The following WARS2 variants were observed in gnomAD, a reference collection of about 807,000 sequenced individuals.
WARS2 encodes the protein tryptophan--tRNA ligase, mitochondrial.
In WARS2, 28 loss-of-function variants were observed where a neutral mutation model predicts 36.5. The ratio of observed to expected loss-of-function variants is 0.77; its 90% CI spans 0.57 to 1.05. WARS2 has a LOEUF of 1.05. WARS2 is among the 50% of genes least tolerant of loss of function. The pLI is 0.00. For synonymous variants in WARS2, 174 were observed against 178.4 expected, an observed-to-expected ratio of 0.98 and a Z score of 0.20; for missense variants, 435 against 456.8, an observed-to-expected ratio of 0.95 and a Z score of 0.44.
At chr1:119,085,255 G>C in intron 1 of WARS2, 1 of 897,382 alleles carries the variant, frequency 1.1e-6, no homozygotes, top group South Asian at 1.3e-5. Flanking sequence ...TCCCTCTCTC[G>C]GTTCTCTGCC....
At chr1:119,097,568 G>A (rs1326632423) in intron 1 of WARS2, among the ~76,000 whole-genome samples, 2 of 152,118 alleles carry the variant, frequency 1.3e-5, no homozygotes, top group Non-Finnish European at 2.9e-5. Context: ...CACATTTGTG[G>A]AGCACTCTCC....
chr1:119,131,979 G>A (rs1161667586), intron 1 of WARS2, among the ~76,000 whole-genome samples: 2 of 152,004 alleles, frequency 1.3e-5, no homozygotes, highest in African/African-American at 2.4e-5. Flanking sequence ...AAAGGTTGTT[G>A]GATAGAATTA....
At chr1:119,128,691 T>C (rs926872637) in intron 1 of WARS2, among the ~76,000 whole-genome samples, 2 of 151,348 alleles carry the variant, frequency 1.3e-5, no homozygotes, top group African/African-American at 4.9e-5. Flanking sequence ...CCATCAGTGG[T>C]CATGGCTTTG....
intron 2 of WARS2, among the ~76,000 whole-genome samples, chr1:119,056,048 T>C (rs1649770669): frequency 6.7e-6 from 1 of 149,058 alleles, no homozygotes. Context: ...TCTCTCTCTG[T>C]TTCTCTGCTG....
At chr1:119,132,785 C>A (rs1200775196) in intron 1 of WARS2, among the ~76,000 whole-genome samples, 2 of 151,972 alleles carry the variant, frequency 1.3e-5, no homozygotes, top group African/African-American at 2.4e-5. Context: ...AATTTTAAAG[C>A]CTCATCACCA....
intron 1 of WARS2, among the ~76,000 whole-genome samples, chr1:119,136,839 C>T (rs967864558): frequency 6.6e-6 from 1 of 152,204 alleles, no homozygotes; most frequent in Non-Finnish European, 1.5e-5. Flanking sequence ...TATTTCTTCA[C>T]GTTTGAAATA....
chr1:119,136,527 T>A (rs1656522190), intron 1 of WARS2, among the ~76,000 whole-genome samples: 1 of 152,180 alleles, frequency 6.6e-6, no homozygotes, highest in Non-Finnish European at 1.5e-5. Context: ...TTTTTTGCCA[T>A]GAGAGATGAA....
intron 1 of WARS2, among the ~76,000 whole-genome samples, chr1:119,135,719 T>TAGATAGAC: frequency 1.4e-5 from 1 of 71,190 alleles, no homozygotes; most frequent in African/African-American, 4.7e-5. Context: ...GATAGACAGA[T>TAGATAGAC]AGATAGATAG....
chr1:119,052,480 A>AT (rs1649445979), intron 2 of WARS2, among the ~76,000 whole-genome samples: 1 of 152,238 alleles, frequency 6.6e-6, no homozygotes, highest in African/African-American at 2.4e-5. Flanking sequence ...CTCTGTATCA[A>AT]TATAAGCTCA....
At chr1:119,056,329 G>T (rs1571287625) in intron 2 of WARS2, among the ~76,000 whole-genome samples, 2 of 150,024 alleles carry the variant, frequency 1.3e-5, no homozygotes, top group South Asian at 4.2e-4. Context: ...GAGCCATCAC[G>T]CCTGGCCCAT....
intron 1 of WARS2, among the ~76,000 whole-genome samples, chr1:119,084,423 GTTAACTTT>G (rs1652460615): frequency 6.6e-6 from 1 of 152,088 alleles, no homozygotes; most frequent in African/African-American, 2.4e-5. Flanking sequence ...CTTTAAAATG[GTTAACTTT>G]ATGTTATGTG....
At position 119,032,445 on chromosome 1, in the gene WARS2, T is replaced by C. The variant is rs1263163355; in HGVS notation, c.*466A>G. 6.5e-6 allele frequency: 1 copy of C among 154,616 alleles called. No homozygotes were observed. Among genetic ancestry groups the C allele is most frequent in the East Asian group, 1.9e-4 (1 of 5,226 alleles). 9.6% of individuals were successfully genotyped at this position (154,616 alleles called of 1,614,324 possible). ...CAAACTATAAGAATGGACTTGTTTT[T>C]ATGAGCTCTGAATACAAATTGGCAT... On this transcript the variant is annotated 3_prime_UTR_variant, in exon 6 of 6. Transcript: ENST00000235521.
intron 4 of WARS2, among the ~76,000 whole-genome samples, chr1:119,035,212 C>A (rs181182793): frequency 6.6e-6 from 1 of 152,014 alleles, no homozygotes; most frequent in East Asian, 1.9e-4. Flanking sequence ...TATACTGAAG[C>A]AATATGGCGG....
In WARS2 at chr1:119,107,300, A is replaced by G. The variant is rs1037860084; in HGVS notation, c.91-30693T>C. On this transcript the variant is annotated intron_variant, in intron 1 of 5. Transcript: ENST00000235521. The stretch of plus-strand genomic sequence containing the variant: ...ATTGTGTTTTGCAGAGCAGAAGTTT[A>G]TAATTGTAATGAAGTGCAGCTTAGC... Among the ~76,000 whole-genome samples, 12 of 152,244 alleles carry G rather than the reference A, an allele frequency of 7.9e-5. No homozygotes were observed. In the South Asian group the frequency reaches 2.5e-3, roughly 32 times the overall value.
chr1:119,138,936 T>C (rs1656725057), intron 1 of WARS2, among the ~76,000 whole-genome samples: 1 of 152,212 alleles, frequency 6.6e-6, no homozygotes, highest in Non-Finnish European at 1.5e-5. Flanking sequence ...TTAGCATTTA[T>C]AATGACTTAG....
intron 1 of WARS2, among the ~76,000 whole-genome samples, chr1:119,078,510 T>C (rs587758286): frequency 2.0e-5 from 3 of 152,288 alleles, no homozygotes; most frequent in African/African-American, 7.2e-5. Context: ...TTAGCAGTCT[T>C]TTTATTTTTA....
chr1:119,082,563 G>T, intron 1 of WARS2: 1 of 490,772 alleles, frequency 2.0e-6, no homozygotes, highest in Non-Finnish European at 2.6e-6. Flanking sequence ...CTTGCCACTG[G>T]ACTCCAAATT....
intron 1 of WARS2, among the ~76,000 whole-genome samples, chr1:119,118,389 A>G (rs995468645): frequency 6.6e-6 from 1 of 152,092 alleles, no homozygotes; most frequent in Non-Finnish European, 1.5e-5. Flanking sequence ...CAAAGAAAAA[A>G]GAATTTTAAA....
intron 1 of WARS2, chr1:119,085,127 G>T (rs1054469232): frequency 1.3e-6 from 1 of 782,778 alleles, no homozygotes; most frequent in Non-Finnish European, 2.4e-6. Flanking sequence ...AACGCCCGTT[G>T]TACGGGCTAG....
Sources: allele counts gnomAD v4.1 joint callset (sites outside exome capture counted in the v4.1 genomes callset), GRCh38; gene constraint gnomAD v4.1.1; transcripts MANE v1.5; gene names NCBI Gene and HGNC (gene_info 2026-07-23, HGNC 2026-07-21).